Variants in P2RY12 observed in about 807,000 individuals in gnomAD.
The protein encoded by P2RY12 is P2Y purinoceptor 12.
In P2RY12, 3 loss-of-function variants were observed where a neutral mutation model predicts 4.5. The observed-to-expected ratio is 0.67, with a 90% CI of 0.31 to 1.74. The LOEUF is 1.74. Ranked by LOEUF, P2RY12 falls within the 40% of genes most tolerant of loss-of-function variation. The pLI is 0.09. For synonymous variants in P2RY12, 148 were observed against 154.1 expected (o/e 0.96, Z 0.29); for missense variants, 356 against 407.8 (o/e 0.87, Z 1.09).
At chr3:151,368,915 C>T (rs149527615) in intron 1 of P2RY12, among the ~76,000 whole-genome samples, 1 of 151,804 alleles carries the variant, frequency 6.6e-6, no homozygotes, top group African/African-American at 2.4e-5. Context: ...GCATGCACCA[C>T]CATGCCTGGC....
intron 1 of P2RY12, among the ~76,000 whole-genome samples, chr3:151,346,282 G>C (rs1160788298): frequency 2.6e-5 from 4 of 151,870 alleles, no homozygotes; most frequent in Admixed American, 6.6e-5. Context: ...TCAGTTATCT[G>C]TTCCCCAATC....
intron 1 of P2RY12, among the ~76,000 whole-genome samples, chr3:151,370,880 T>G (rs1169074965): frequency 6.6e-6 from 1 of 152,156 alleles, no homozygotes; most frequent in East Asian, 1.9e-4. Context: ...ATTTGTAGGA[T>G]TAGTCTAATC....
chr3:151,361,058 G>T (rs1185732468), intron 1 of P2RY12, among the ~76,000 whole-genome samples: 1 of 151,892 alleles, frequency 6.6e-6, no homozygotes, highest in East Asian at 1.9e-4. Flanking sequence ...TGCTTTATTT[G>T]TATCCCTCTT....
At chr3:151,349,932 G>A in intron 1 of P2RY12, 2 of 681,154 alleles carry the variant, frequency 2.9e-6, no homozygotes, top group Non-Finnish European at 2.3e-6. Flanking sequence ...GAGGTGAATT[G>A]AAGGGAGGGC....
chr3:151,356,861 T>C (rs930891872), intron 1 of P2RY12, among the ~76,000 whole-genome samples: 1 of 152,170 alleles, frequency 6.6e-6, no homozygotes, highest in Admixed American at 6.5e-5. Context: ...ATAGGAGATA[T>C]TAACTTTGTT....
intron 1 of P2RY12, among the ~76,000 whole-genome samples, chr3:151,351,181 G>T (rs1269288280): frequency 6.6e-6 from 1 of 152,102 alleles, no homozygotes; most frequent in Non-Finnish European, 1.5e-5. Flanking sequence ...GCTAGAATTT[G>T]TCCACCCTAG....
At chr3:151,357,584 C>T (rs1254353245) in intron 1 of P2RY12, among the ~76,000 whole-genome samples, 1 of 152,190 alleles carries the variant, frequency 6.6e-6, no homozygotes, top group Non-Finnish European at 1.5e-5. Flanking sequence ...TCCTTCTTCC[C>T]TTCCTCCTTG....
chr3:151,340,017 T>G (rs1560049056), intron 2 of P2RY12, among the ~76,000 whole-genome samples: 1 of 152,182 alleles, frequency 6.6e-6, no homozygotes, highest in South Asian at 2.1e-4. Context: ...TTCCCCAAAA[T>G]GTCCATGGAA....
At position 151,375,073 on chromosome 3, in the gene P2RY12, G is replaced by A. The variant is rs554124747; in HGVS notation, c.-180+9619C>T. Reference sequence around the variant, plus strand: ...CTACATAGTCATATAAGTATTGAGAGGCAATTGTGTGTTGGTTCCCAACTG... The same window carrying A: ...CTACATAGTCATATAAGTATTGAGAAGCAATTGTGTGTTGGTTCCCAACTG... On this transcript the variant is annotated intron_variant, in intron 1 of 2. Coordinates refer to ENST00000302632, the MANE Select transcript of P2RY12 (RefSeq NM_022788.5). Among the ~76,000 whole-genome samples, 55 of 152,334 alleles carry A rather than the reference G, an allele frequency of 3.6e-4. No homozygotes were observed. The South Asian group carries it at 0.011, about 29-fold the overall frequency.
chr3:151,349,718 G>A (rs1205811750), intron 1 of P2RY12, among the ~76,000 whole-genome samples: 2 of 152,106 alleles, frequency 1.3e-5, no homozygotes, highest in Non-Finnish European at 2.9e-5. Flanking sequence ...AATATGACTA[G>A]ACAATATGTT....
At position 151,337,721 on chromosome 3, in the gene P2RY12, T is replaced by C; in HGVS notation, c.*96A>G. 1 of 1,214,924 alleles carries C rather than the reference T, an allele frequency of 8.2e-7. No homozygotes were observed. The highest frequency in any genetic ancestry group is 1.3e-5 in the South Asian group (1 of 75,474). 75.3% of individuals were successfully genotyped at this position (1,214,924 alleles called of 1,614,324 possible). A position where few individuals can be genotyped will look rare whatever the true frequency, so the allele number is the denominator to read the frequency against. ...TTTCTTTAGAGTCATTATTATTAAC[T>C]TAGTTGCTTCTTCGTCAGTTAATAT... is the stretch of plus-strand genomic sequence containing the variant. On this transcript the variant is annotated 3_prime_UTR_variant, in exon 3 of 3. Coordinates refer to ENST00000302632, the MANE Select transcript of P2RY12 (RefSeq NM_022788.5).
rs183087439 is a variant in P2RY12 at position 151,378,991 on chromosome 3, G to A, written c.-180+5701C>T. Among the ~76,000 whole-genome samples the A allele has an allele frequency of 3.1e-4, 47 of 152,308 alleles. No individual in the cohort carries two copies. The East Asian group carries it at 8.9e-3, about 29-fold the overall frequency. On this transcript the variant is annotated intron_variant, in intron 1 of 2. Coordinates refer to ENST00000302632, the MANE Select transcript of P2RY12 (RefSeq NM_022788.5). Reference sequence around the variant, plus strand: ...TATCATGTTGAAACAGACACTTAAAGGTTACATGAGTTGCTCCAGGACACA... The same window carrying A: ...TATCATGTTGAAACAGACACTTAAAAGTTACATGAGTTGCTCCAGGACACA...
At chr3:151,377,339 T>A (rs531954594) in intron 1 of P2RY12, among the ~76,000 whole-genome samples, 2 of 152,160 alleles carry the variant, frequency 1.3e-5, no homozygotes, top group South Asian at 4.1e-4. Flanking sequence ...AAAGCTGGGG[T>A]GAATGATAGC....
At chr3:151,354,140 C>CAAAAAAAAA (rs63033360) in intron 1 of P2RY12, among the ~76,000 whole-genome samples, 17 of 62,838 alleles carry the variant, frequency 2.7e-4, no homozygotes, top group South Asian at 7.6e-4. Context: ...GACTCCGTCT[C>CAAAAAAAAA]AAAAAAAAAA....
chr3:151,379,996 T>G (rs1287170354), intron 1 of P2RY12: 2 of 629,736 alleles, frequency 3.2e-6, no homozygotes, highest in Non-Finnish European at 5.4e-6. Context: ...CAAGCAGTCT[T>G]TGGCTATTTA....
intron 1 of P2RY12, among the ~76,000 whole-genome samples, chr3:151,375,726 A>G (rs1209933529): frequency 6.6e-6 from 1 of 152,088 alleles, no homozygotes; most frequent in Non-Finnish European, 1.5e-5. Context: ...CTGACACAAA[A>G]TAGTGCCTAG....
chr3:151,347,893 A>G (rs1752724681), intron 1 of P2RY12, among the ~76,000 whole-genome samples: 1 of 152,206 alleles, frequency 6.6e-6, no homozygotes, highest in Admixed American at 6.5e-5. Flanking sequence ...CAAGTGGCAC[A>G]ACCAGTATGC....
rs140376215 is a variant in P2RY12 at position 151,377,929 on chromosome 3, G to A, written c.-180+6763C>T. 2.2e-6 allele frequency: 3 copies of A among 1,367,166 alleles called. No homozygotes were observed. In the East Asian group the frequency reaches 7.4e-5, roughly 34 times the overall value. The allele number at this position is 1,367,166 out of a possible 1,614,324, so 84.7% of individuals were successfully genotyped here. A position where few individuals can be genotyped will look rare whatever the true frequency, so the allele number is the denominator to read the frequency against. On this transcript the variant is annotated intron_variant, in intron 1 of 2. Coordinates refer to ENST00000302632, the MANE Select transcript of P2RY12 (RefSeq NM_022788.5). ...CAGTCTGTGTGTCTCATACATCAAA[G>A]TTTCGCTTTGGAGTTTCTGTTATAA...
intron 1 of P2RY12, among the ~76,000 whole-genome samples, chr3:151,378,965 A>G (rs1345213675): frequency 6.6e-6 from 1 of 152,214 alleles, no homozygotes; most frequent in East Asian, 1.9e-4. Flanking sequence ...TATCTTCTTT[A>G]TATCATGTTG....
Sources: allele counts gnomAD v4.1 joint callset (sites outside exome capture counted in the v4.1 genomes callset), GRCh38; gene constraint gnomAD v4.1.1; transcripts MANE v1.5; gene names NCBI Gene and HGNC (gene_info 2026-07-23, HGNC 2026-07-21).